Variants in FOXP2 observed in about 807,000 individuals in gnomAD.
FOXP2 encodes the protein forkhead box protein P2.
In FOXP2, 12 loss-of-function variants were observed where a neutral mutation model predicts 115.8. That is an observed-to-expected ratio of 0.10 (90% CI 0.07 to 0.17). The LOEUF is 0.17. FOXP2 is among the 10% of genes least tolerant of loss of function. FOXP2 has a pLI of 1.00. For synonymous variants in FOXP2, 328 were observed against 297.7 expected (o/e 1.10, Z -1.05); for missense variants, 629 against 843.5 (o/e 0.75, Z 3.15).
At chr7:114,324,924 T>A (rs1273107623) in intron 2 of FOXP2, among the ~76,000 whole-genome samples, 1 of 151,880 alleles carries the variant, frequency 6.6e-6, no homozygotes, top group East Asian at 1.9e-4. Context: ...TGTGGGCACA[T>A]AGTAGGTGTA....
intron 1 of FOXP2, among the ~76,000 whole-genome samples, chr7:114,102,658 T>C (rs552901251): frequency 2.7e-5 from 4 of 147,918 alleles, no homozygotes; most frequent in Non-Finnish European, 3.0e-5. Flanking sequence ...TTTTAACCCA[T>C]GGACCATATT....
intron 1 of FOXP2, among the ~76,000 whole-genome samples, chr7:114,257,595 A>G (rs952436342): frequency 6.6e-6 from 1 of 151,418 alleles, no homozygotes; most frequent in Admixed American, 6.6e-5. Context: ...CTGGCATTAC[A>G]CGAGCCTGCC....
chr7:114,647,968 G>A (rs1806009559), intron 8 of FOXP2, among the ~76,000 whole-genome samples: 1 of 152,106 alleles, frequency 6.6e-6, no homozygotes, highest in East Asian at 1.9e-4. Flanking sequence ...TGTCTATAAA[G>A]ATATTAATGT....
At chr7:114,240,447 G>A (rs1795123132) in intron 1 of FOXP2, among the ~76,000 whole-genome samples, 1 of 151,970 alleles carries the variant, frequency 6.6e-6, no homozygotes, top group Non-Finnish European at 1.5e-5. Flanking sequence ...ACTATTGAAT[G>A]CCTTTTCCAT....
intron 16 of FOXP2, chr7:114,667,944 A>T (rs1807261245): frequency 6.6e-6 from 1 of 152,158 alleles, no homozygotes; most frequent in African/African-American, 2.4e-5. Flanking sequence ...GAATCCGTAT[A>T]AGAAGTGCTG....
chr7:114,388,635 C>G (rs1051766486), intron 2 of FOXP2, among the ~76,000 whole-genome samples: 5 of 152,064 alleles, frequency 3.3e-5, no homozygotes, highest in Admixed American at 1.3e-4. Flanking sequence ...ACTTTACTAA[C>G]TGGTAAAAAA....
intron 2 of FOXP2, among the ~76,000 whole-genome samples, chr7:114,458,340 G>A (rs1795410002): frequency 6.6e-6 from 1 of 151,568 alleles, no homozygotes; most frequent in African/African-American, 2.4e-5. Flanking sequence ...ATAATCTTGT[G>A]TATTCCCATG....
At chr7:114,581,162 TTTA>T (rs1801847345) in intron 3 of FOXP2, among the ~76,000 whole-genome samples, 2 of 140,178 alleles carry the variant, frequency 1.4e-5, no homozygotes, top group Admixed American at 1.4e-4. Flanking sequence ...TATTTATTTA[TTTA>T]TTTATTTATT....
intron 2 of FOXP2, among the ~76,000 whole-genome samples, chr7:114,334,650 A>AG (rs1797797796): frequency 6.7e-6 from 1 of 150,314 alleles, no homozygotes; most frequent in South Asian, 2.1e-4. Flanking sequence ...AGGAAAAAAA[A>AG]CCCATAGAGA....
chr7:114,547,529 G>A (rs898605195), intron 3 of FOXP2, among the ~76,000 whole-genome samples: 1 of 152,108 alleles, frequency 6.6e-6, no homozygotes, highest in Non-Finnish European at 1.5e-5. Context: ...AGGCCGAGGC[G>A]GGCGGGTCAC....
At chr7:114,498,206 T>C (rs1452752411) in intron 2 of FOXP2, among the ~76,000 whole-genome samples, 3 of 152,222 alleles carry the variant, frequency 2.0e-5, no homozygotes, top group Non-Finnish European at 4.4e-5. Flanking sequence ...ATATAACTTA[T>C]GTTTATAAAT....
At chr7:114,334,397 C>T (rs980821828) in intron 2 of FOXP2, among the ~76,000 whole-genome samples, 2 of 150,710 alleles carry the variant, frequency 1.3e-5, no homozygotes, top group Non-Finnish European at 3.0e-5. Context: ...AAAAAAAAAT[C>T]TGTTAATTTA....
At chr7:114,175,253 A>G (rs1793258226) in intron 1 of FOXP2, among the ~76,000 whole-genome samples, 1 of 152,168 alleles carries the variant, frequency 6.6e-6, no homozygotes, top group South Asian at 2.1e-4. Context: ...TTACTCGTTA[A>G]GTCCACTTAT....
At chr7:114,590,346 G>A (rs1802381689) in intron 3 of FOXP2, among the ~76,000 whole-genome samples, 1 of 152,260 alleles carries the variant, frequency 6.6e-6, no homozygotes, top group South Asian at 2.1e-4. Context: ...ATATTACAGG[G>A]AAAAGTCTTG....
rs117287210 is a variant in FOXP2, at chr7:114,274,760, C to A, written c.-101-13259C>A. On this transcript the variant is annotated intron_variant, in intron 1 of 17. Coordinates refer to the FOXP2 transcript ENST00000634411. ...CCACCCAGGTAGCTGGGACTGCAGGCATGCACCACCATGCCCGACTAGTTT... is the reference window on the plus strand; with the variant it reads ...CCACCCAGGTAGCTGGGACTGCAGGAATGCACCACCATGCCCGACTAGTTT... 7.0e-3 allele frequency among the ~76,000 whole-genome samples: 1,060 copies of A among 151,622 alleles called. 6 individuals are homozygous for A. Among genetic ancestry groups the A allele is most frequent in the Non-Finnish European group, 0.011 (778 of 67,832 alleles).
chr7:114,571,514 C>G (rs1476442154), intron 3 of FOXP2, among the ~76,000 whole-genome samples: 3 of 151,786 alleles, frequency 2.0e-5, no homozygotes, highest in African/African-American at 7.2e-5. Flanking sequence ...ACATATAAGT[C>G]ATGTATTTTC....
chr7:114,540,927 AAGTC>A (rs1354688724), intron 3 of FOXP2, among the ~76,000 whole-genome samples: 2 of 152,092 alleles, frequency 1.3e-5, no homozygotes, highest in Non-Finnish European at 2.9e-5. Flanking sequence ...TCAAGCCAAG[AAGTC>A]AGTATTTTAT....
chr7:114,346,185 A>G (rs891831736), intron 2 of FOXP2, among the ~76,000 whole-genome samples: 1 of 151,846 alleles, frequency 6.6e-6, no homozygotes, highest in Admixed American at 6.6e-5. Context: ...TTTTAAATCA[A>G]CTAATTCACA....
intron 2 of FOXP2, among the ~76,000 whole-genome samples, chr7:114,518,971 A>G (rs1798481220): frequency 6.6e-6 from 1 of 152,146 alleles, no homozygotes; most frequent in Admixed American, 6.5e-5. Context: ...CTATGTGTCT[A>G]TTCTACTCCA....
Sources: allele counts gnomAD v4.1 joint callset (sites outside exome capture counted in the v4.1 genomes callset), GRCh38; gene constraint gnomAD v4.1.1; transcripts MANE v1.5; gene names NCBI Gene and HGNC (gene_info 2026-07-23, HGNC 2026-07-21).